BIRC6: variants seen among roughly 807,000 people sequenced by gnomAD.
BIRC6 encodes the protein baculoviral IAP repeat containing 6.
BIRC6 carries 98 observed loss-of-function variants against 503.3 expected under a neutral mutation model. The ratio of observed to expected loss-of-function variants is 0.19; its 90% CI spans 0.17 to 0.23. The LOEUF (loss-of-function observed/expected upper bound fraction) is 0.23, where lower values mean the gene tolerates loss of function less well. BIRC6 is among the 10% of genes least tolerant of loss of function. BIRC6 has a pLI of 1.00. For missense variants in BIRC6, 5,360 were observed against 5,806.0 expected (o/e 0.92, Z 2.50); for synonymous variants, 2,240 against 2,078.7 (o/e 1.08, Z -2.11).
chr2:32,381,485 C>T (rs2037643237), intron 3 of BIRC6, among the ~76,000 whole-genome samples: 1 of 151,340 alleles, frequency 6.6e-6, no homozygotes, highest in South Asian at 2.1e-4. Flanking sequence ...GGTGATCTGC[C>T]TGCCTTGGCC....
rs946680668 is a variant in BIRC6 at position 32,357,049 on chromosome 2, C to T, written c.-113C>T. Reference sequence around the variant, plus strand: ...TCCCTCCCTGCTTCTCCCCCTCTCCCGTCAGCCTCCCTCCGAGTTTGGCCC... The same window carrying T: ...TCCCTCCCTGCTTCTCCCCCTCTCCTGTCAGCCTCCCTCCGAGTTTGGCCC... On this transcript the variant is annotated 5_prime_UTR_variant, in exon 1 of 74. Transcript: ENST00000421745. This position sits in a 1 kb window ranked among gnomAD's most constrained non-coding sequence, Gnocchi z 4.9. 4 of 946,052 alleles carry T rather than the reference C, an allele frequency of 4.2e-6. No individual in the cohort carries two copies. Among genetic ancestry groups the T allele is most frequent in the South Asian group, 1.9e-5 (1 of 52,198 alleles). The allele number at this position is 946,052 out of a possible 1,614,324, so 58.6% of individuals were successfully genotyped here. A position where few individuals can be genotyped will look rare whatever the true frequency, so the allele number is the denominator to read the frequency against.
chr2:32,458,377 A>G (rs552592493), intron 23 of BIRC6, among the ~76,000 whole-genome samples: 1 of 152,158 alleles, frequency 6.6e-6, no homozygotes, highest in African/African-American at 2.4e-5. Flanking sequence ...CTCTTTAAAT[A>G]TTGCTTCTGC....
At chr2:32,362,085 G>A (rs965989043) in intron 1 of BIRC6, among the ~76,000 whole-genome samples, 1 of 152,138 alleles carries the variant, frequency 6.6e-6, no homozygotes, top group Non-Finnish European at 1.5e-5. Flanking sequence ...GTGAGAGTAT[G>A]TTTACTTTTG....
intron 59 of BIRC6, 129 bp from the exon 60 acceptor site, chr2:32,529,522 T>A: frequency 1.2e-6 from 1 of 842,994 alleles, no homozygotes. Flanking sequence ...GCTGTTGAAT[T>A]TTTTAATTGT....
At chr2:32,514,745 T>G (rs1000412667) in intron 54 of BIRC6, among the ~76,000 whole-genome samples, 2 of 152,200 alleles carry the variant, frequency 1.3e-5, no homozygotes, top group African/African-American at 2.4e-5. Context: ...ATAATTTACT[T>G]GATTTTCTGT....
At chr2:32,586,364 G>C (rs1420601923) in intron 66 of BIRC6, among the ~76,000 whole-genome samples, 1 of 146,622 alleles carries the variant, frequency 6.8e-6, no homozygotes, top group Non-Finnish European at 1.5e-5. Context: ...GGCATTATAT[G>C]AGCTTTATGT....
chr2:32,542,540 A>G (rs193167229), intron 61 of BIRC6, among the ~76,000 whole-genome samples: 4 of 152,356 alleles, frequency 2.6e-5, no homozygotes, highest in African/African-American at 7.2e-5. Flanking sequence ...GCTTGGTGCC[A>G]ACTAATAAAT....
intron 10 of BIRC6, among the ~76,000 whole-genome samples, chr2:32,418,569 A>G (rs1013561537): frequency 1.8e-4 from 28 of 152,212 alleles, no homozygotes; most frequent in African/African-American, 6.5e-4. Flanking sequence ...AAAATTGACA[A>G]TTATTTAACT....
intron 10 of BIRC6, among the ~76,000 whole-genome samples, chr2:32,422,721 G>T (rs2043066947): frequency 6.6e-6 from 1 of 151,940 alleles, no homozygotes; most frequent in Non-Finnish European, 1.5e-5. Flanking sequence ...CTAGTTTTGG[G>T]GGACTTGATT....
At chr2:32,587,478 CT>C (rs2061118958) in intron 66 of BIRC6, among the ~76,000 whole-genome samples, 1 of 152,192 alleles carries the variant, frequency 6.6e-6, no homozygotes, top group Admixed American at 6.5e-5. Context: ...CGGTTCATGC[CT>C]GTAATTCCAG....
chr2:32,425,557 C>A (rs112603927), intron 10 of BIRC6, among the ~76,000 whole-genome samples: 3 of 151,110 alleles, frequency 2.0e-5, no homozygotes, highest in African/African-American at 7.3e-5. Context: ...AAATCTTATT[C>A]TCTCACTCTG....
rs1220263976 is a variant in BIRC6, at chr2:32,499,972, A to G, written c.8894A>G (p.Asp2965Gly). The change falls in exon 46 of 74, where the codon GAT becomes GGT. Residue 2965 changes from aspartate (D) to glycine (G), a missense_variant. Physicochemically the swap from Asp to Gly is moderately conservative, Grantham distance 94. Transcript: ENST00000421745. ...GAAGAAAAAGTCTCAGGAGGCAAAG[A>G]TGGCAATGGAAGCAGTACCAGTGTT... ...SDEEKVSGGK[D>G]GNGSSTSVQG... 1 of 1,614,026 alleles carries G rather than the reference A, an allele frequency of 6.2e-7. No homozygotes were observed. The highest frequency in any genetic ancestry group is 1.1e-5 in the South Asian group (1 of 91,086).
rs564139512 is a variant in BIRC6 at position 32,453,555 on chromosome 2, A to G, written c.4619-253A>G. On this transcript the variant is annotated intron_variant, in intron 22 of 73. Transcript: ENST00000421745. Reference sequence around the variant, plus strand: ...AAATGTAAGTTTCATGTTACAGGAAACTACCACTCATGTTTCTGTTAATGT... The same window carrying G: ...AAATGTAAGTTTCATGTTACAGGAAGCTACCACTCATGTTTCTGTTAATGT... Among the ~76,000 whole-genome samples the G allele has an allele frequency of 9.2e-5, 14 of 152,272 alleles. 1 individual carries two copies. The highest frequency in any genetic ancestry group is 8.5e-4 in the Admixed American group (13 of 15,286).
intron 5 of BIRC6, among the ~76,000 whole-genome samples, chr2:32,393,261 T>A (rs2039472863): frequency 6.6e-6 from 1 of 152,032 alleles, no homozygotes; most frequent in Non-Finnish European, 1.5e-5. Flanking sequence ...CATAGTTTTG[T>A]GTAGGAAAAG....
chr2:32,410,147 A>G (rs1558648116), intron 9 of BIRC6, among the ~76,000 whole-genome samples: 2 of 152,186 alleles, frequency 1.3e-5, no homozygotes. Context: ...GCAGTTTCCT[A>G]CATAGATTAG....
At chr2:32,605,324 T>C (rs2151607063) in intron 71 of BIRC6, among the ~76,000 whole-genome samples, 1 of 152,350 alleles carries the variant, frequency 6.6e-6, no homozygotes, top group East Asian at 1.9e-4. Context: ...TCTAAAGTAA[T>C]TTTTAAATTG....
chr2:32,496,538 A>G (rs139015181), intron 45 of BIRC6, among the ~76,000 whole-genome samples: 1 of 152,096 alleles, frequency 6.6e-6, no homozygotes, highest in South Asian at 2.1e-4. Flanking sequence ...TTGTTCATAC[A>G]GTGTATTATA....
chr2:32,455,379 C>CAAAAAAAAAA (rs758202958), intron 23 of BIRC6, among the ~76,000 whole-genome samples: 2 of 88,736 alleles, frequency 2.3e-5, no homozygotes, highest in African/African-American at 8.7e-5. Flanking sequence ...ACTCTGTCTC[C>CAAAAAAAAAA]AAAAAAAAAA....
intron 9 of BIRC6, among the ~76,000 whole-genome samples, chr2:32,408,713 A>G (rs2041525958): frequency 6.6e-6 from 1 of 152,198 alleles, no homozygotes. Flanking sequence ...TGTTTACTTT[A>G]GCTAATAGTG....
Sources: allele counts gnomAD v4.1 joint callset (sites outside exome capture counted in the v4.1 genomes callset), GRCh38; gene constraint gnomAD v4.1.1; non-coding constraint Gnocchi (gnomAD v3.1); transcripts MANE v1.5; gene names NCBI Gene and HGNC (gene_info 2026-07-23, HGNC 2026-07-21).